AGBL4: variants seen among roughly 807,000 people sequenced by gnomAD.
The protein encoded by AGBL4 is cytosolic carboxypeptidase 6.
AGBL4 carries 58 observed loss-of-function variants against 66.4 expected under a neutral mutation model. That is an observed-to-expected ratio of 0.87 (90% confidence interval 0.71 to 1.09). AGBL4 has a LOEUF of 1.09. Ranked by LOEUF, AGBL4 falls within the 50% of genes least tolerant of loss-of-function variation. The pLI is 0.00. For missense variants in AGBL4, 579 were observed against 631.0 expected, an observed-to-expected ratio of 0.92 and a Z score of 0.88; for synonymous variants, 234 against 222.9, an observed-to-expected ratio of 1.05 and a Z score of -0.44.
chr1:49,135,432 TAA>T (rs1175893787), intron 4 of AGBL4, among the ~76,000 whole-genome samples: 1 of 151,962 alleles, frequency 6.6e-6, no homozygotes, highest in Non-Finnish European at 1.5e-5. Flanking sequence ...CTAGAGGAAT[TAA>T]AGACACACAC....
Position 49,313,411 on chromosome 1 carries a change from A to G in AGBL4, c.283-67547T>C, listed in dbSNP as rs577236846. On this transcript the variant is annotated intron_variant, in intron 3 of 13. Coordinates refer to ENST00000371839, the MANE Select transcript of AGBL4 (RefSeq NM_032785.4). ...ACCCAGTAATGGGATTGCTGGGTCAAATGGTATTTCTGGTTCTAGATCCTT... is the reference window on the plus strand; with the variant it reads ...ACCCAGTAATGGGATTGCTGGGTCAGATGGTATTTCTGGTTCTAGATCCTT... Among the ~76,000 whole-genome samples the G allele has an allele frequency of 2.3e-4, 35 of 152,202 alleles. 1 individual carries two copies. Among genetic ancestry groups the G allele is most frequent in the African/African-American group, 7.5e-4 (31 of 41,536 alleles).
chr1:49,004,952 G>A (rs943104287), intron 5 of AGBL4, among the ~76,000 whole-genome samples: 3 of 152,190 alleles, frequency 2.0e-5, no homozygotes, highest in South Asian at 4.2e-4. Context: ...AGAGCAAGAT[G>A]TTTGATGAGC....
intron 6 of AGBL4, among the ~76,000 whole-genome samples, chr1:48,789,013 G>T (rs1192647924): frequency 6.6e-6 from 1 of 152,150 alleles, no homozygotes; most frequent in African/African-American, 2.4e-5. Flanking sequence ...AATGCTAGGT[G>T]CTGGATATGC....
At chr1:48,939,346 C>T (rs1655753042) in intron 5 of AGBL4, among the ~76,000 whole-genome samples, 1 of 152,244 alleles carries the variant, frequency 6.6e-6, no homozygotes, top group Non-Finnish European at 1.5e-5. Flanking sequence ...ACTGTGGCCT[C>T]TGCTGATCTG....
At chr1:49,379,840 C>T (rs1557885294) in intron 3 of AGBL4, among the ~76,000 whole-genome samples, 3 of 151,904 alleles carry the variant, frequency 2.0e-5, no homozygotes. Flanking sequence ...CTAAAATTCT[C>T]TTTTTTGGTT....
chr1:49,932,172 A>G (rs988032710), intron 1 of AGBL4, among the ~76,000 whole-genome samples: 2 of 152,228 alleles, frequency 1.3e-5, no homozygotes, highest in African/African-American at 4.8e-5. Flanking sequence ...TCAATGGAAC[A>G]GAATAGAGAG....
chr1:50,014,543 T>G (rs1661814278), intron 1 of AGBL4, among the ~76,000 whole-genome samples: 1 of 143,394 alleles, frequency 7.0e-6, no homozygotes, highest in Admixed American at 6.9e-5. Context: ...TTTCTTTTTT[T>G]TTTTTTTTTT....
chr1:49,887,299 A>T (rs1319853679), intron 1 of AGBL4, among the ~76,000 whole-genome samples: 1 of 151,104 alleles, frequency 6.6e-6, no homozygotes, highest in African/African-American at 2.4e-5. Flanking sequence ...AGGTAAAAAA[A>T]CTCCCTATGT....
intron 5 of AGBL4, among the ~76,000 whole-genome samples, chr1:48,963,599 A>G (rs1571111819): frequency 6.6e-6 from 1 of 151,502 alleles, no homozygotes; most frequent in Admixed American, 6.6e-5. Flanking sequence ...GGGAACTCCC[A>G]TAGGGGCTCC....
At chr1:49,487,260 T>A (rs1040065651) in intron 3 of AGBL4, among the ~76,000 whole-genome samples, 19 of 152,048 alleles carry the variant, frequency 1.2e-4, no homozygotes, top group African/African-American at 4.1e-4. Context: ...TACAGTATAC[T>A]TCCAATATAC....
At chr1:49,367,921 G>GC (rs1177428091) in intron 3 of AGBL4, among the ~76,000 whole-genome samples, 1 of 151,662 alleles carries the variant, frequency 6.6e-6, no homozygotes, top group Non-Finnish European at 1.5e-5. Context: ...ATTCCTCATC[G>GC]CCCCCACTCC....
intron 3 of AGBL4, among the ~76,000 whole-genome samples, chr1:49,548,911 CT>C (rs1018582733): frequency 1.3e-5 from 2 of 151,916 alleles, no homozygotes; most frequent in African/African-American, 4.8e-5. Context: ...TGGTCTGGGA[CT>C]TTTTTTGTTA....
intron 4 of AGBL4, among the ~76,000 whole-genome samples, chr1:49,191,789 ATGT>A (rs1045067397): frequency 6.6e-5 from 10 of 152,160 alleles, no homozygotes; most frequent in African/African-American, 2.4e-4. Flanking sequence ...AAAGGAGATG[ATGT>A]TGTTCTTTTT....
chr1:48,664,276 T>A (rs879478242), intron 6 of AGBL4, among the ~76,000 whole-genome samples: 2 of 152,178 alleles, frequency 1.3e-5, no homozygotes, highest in African/African-American at 4.8e-5. Context: ...TTGTTGGATG[T>A]GCATACATAG....
At chr1:49,761,132 T>A (rs973833204) in intron 2 of AGBL4, among the ~76,000 whole-genome samples, 6 of 127,238 alleles carry the variant, frequency 4.7e-5, no homozygotes, top group African/African-American at 2.0e-4. Context: ...ATGCATCCCG[T>A]TTTTTTTTTT....
At chr1:49,963,753 C>T (rs528732422) in intron 1 of AGBL4, among the ~76,000 whole-genome samples, 58 of 152,168 alleles carry the variant, frequency 3.8e-4, no homozygotes, top group African/African-American at 1.4e-3. Context: ...ATATGTGGTA[C>T]ATAACTAAAC....
chr1:49,851,706 A>G (rs1273187562), intron 1 of AGBL4, among the ~76,000 whole-genome samples, 188 bp from the exon 2 acceptor site: 1 of 152,070 alleles, frequency 6.6e-6, no homozygotes, highest in Non-Finnish European at 1.5e-5. Context: ...TCAAATTTCA[A>G]CTCAAATAAC....
intron 6 of AGBL4, among the ~76,000 whole-genome samples, chr1:48,698,521 C>G (rs1646750405): frequency 6.6e-6 from 1 of 152,258 alleles, no homozygotes; most frequent in Non-Finnish European, 1.5e-5. Flanking sequence ...AGCTCCTCCA[C>G]TGCTCACATG....
At chr1:48,979,357 T>C (rs564275453) in intron 5 of AGBL4, among the ~76,000 whole-genome samples, 1 of 152,264 alleles carries the variant, frequency 6.6e-6, no homozygotes, top group East Asian at 1.9e-4. Flanking sequence ...TGTATTTAGA[T>C]TGTGCTAAGG....
Sources: allele counts gnomAD v4.1 joint callset (sites outside exome capture counted in the v4.1 genomes callset), GRCh38; gene constraint gnomAD v4.1.1; transcripts MANE v1.5; gene names NCBI Gene and HGNC (gene_info 2026-07-23, HGNC 2026-07-21).